The following CRYBG1 variants were observed in gnomAD, a reference collection of about 807,000 sequenced individuals.
CRYBG1 encodes the protein beta/gamma crystallin domain-containing protein 1.
A neutral mutation model predicts 189.2 loss-of-function variants in CRYBG1; 139 were observed. The ratio of observed to expected loss-of-function variants is 0.73; its 90% CI spans 0.64 to 0.85. The LOEUF is 0.85. Among genes scored for constraint, CRYBG1 ranks in the 40% least tolerant of loss-of-function variants. CRYBG1 has a pLI of 0.00. For synonymous variants in CRYBG1, 1,023 were observed against 1,017.1 expected, an observed-to-expected ratio of 1.01 and a Z score of -0.11; for missense variants, 2,611 against 2,675.8, an observed-to-expected ratio of 0.98 and a Z score of 0.53.
intron 1 of CRYBG1, among the ~76,000 whole-genome samples, chr6:106,448,778 A>G (rs1215352444): frequency 1.3e-5 from 2 of 152,116 alleles, no homozygotes; most frequent in Non-Finnish European, 2.9e-5. Context: ...TCAGGTGTCT[A>G]ATTTCTGCAC....
intron 13 of CRYBG1, among the ~76,000 whole-genome samples, chr6:106,550,862 A>G (rs1774382426): frequency 1.4e-5 from 2 of 144,122 alleles, no homozygotes; most frequent in African/African-American, 2.5e-5. Flanking sequence ...ATACAATTAG[A>G]AAAAAAAAAG....
chr6:106,524,468 AG>A (rs1438713674), intron 4 of CRYBG1, among the ~76,000 whole-genome samples: 7 of 152,194 alleles, frequency 4.6e-5, no homozygotes, highest in Non-Finnish European at 1.0e-4. Flanking sequence ...CGGGAGGCTG[AG>A]GCAGGAGAAT....
At chr6:106,485,827 C>T (rs548493460) in intron 2 of CRYBG1, among the ~76,000 whole-genome samples, 1 of 152,308 alleles carries the variant, frequency 6.6e-6, no homozygotes, top group African/African-American at 2.4e-5. Context: ...TCCACTTGAT[C>T]ATAGTGGATG....
chr6:106,438,317 G>A (rs967347409), intron 1 of CRYBG1, among the ~76,000 whole-genome samples: 1 of 152,240 alleles, frequency 6.6e-6, no homozygotes, highest in African/African-American at 2.4e-5. Flanking sequence ...TCACGTTGGG[G>A]TAGCGTGGTA....
At chr6:106,496,772 C>A (rs1300122454) in intron 2 of CRYBG1, among the ~76,000 whole-genome samples, 1 of 152,142 alleles carries the variant, frequency 6.6e-6, no homozygotes, top group African/African-American at 2.4e-5. Context: ...CTCTGTGATA[C>A]AAGATAAAGA....
intron 10 of CRYBG1, 70 bp downstream of exon 10, chr6:106,541,691 C>A: frequency 9.6e-7 from 1 of 1,044,680 alleles, no homozygotes; most frequent in South Asian, 1.4e-5. Context: ...TATATATGTA[C>A]TTAATGTTAT....
At position 106,476,055 on chromosome 6, in the gene CRYBG1, C is replaced by A. The variant is rs923751913; in HGVS notation, c.312+24223C>A. Among the ~76,000 whole-genome samples the A allele has an allele frequency of 4.6e-5, 7 of 152,254 alleles. 1 individual carries two copies. ...ATTTACCACATTCATATTTCATGTC[C>A]TCCTAGTGTTTGATGATGTTACTTC... On this transcript the variant is annotated intron_variant, in intron 2 of 21. Coordinates refer to ENST00000633556, the MANE Select transcript of CRYBG1 (RefSeq NM_001371242.2).
At chr6:106,562,576 T>A (rs1025875530) in intron 20 of CRYBG1, among the ~76,000 whole-genome samples, 1 of 152,162 alleles carries the variant, frequency 6.6e-6, no homozygotes, top group Admixed American at 6.5e-5. Context: ...AACCTGTACC[T>A]CCCGGGTTCA....
intron 2 of CRYBG1, among the ~76,000 whole-genome samples, chr6:106,480,603 GTTGCAGTGAGCTGAGA>G (rs1772427528): frequency 1.3e-5 from 2 of 151,964 alleles, no homozygotes; most frequent in African/African-American, 4.8e-5. Flanking sequence ...GGAGGCGGAG[GTTGCAGTGAGCTGAGA>G]TCGCACCACT....
At chr6:106,525,210 T>C in intron 5 of CRYBG1, 30 bp downstream of exon 5, 1 of 1,614,084 alleles carries the variant, frequency 6.2e-7, no homozygotes. Context: ...CTAGTCTTGA[T>C]TCTATTTTGG....
intron 2 of CRYBG1, among the ~76,000 whole-genome samples, chr6:106,475,969 A>G (rs997772040): frequency 6.6e-6 from 1 of 152,208 alleles, no homozygotes; most frequent in African/African-American, 2.4e-5. Context: ...AGATGATGAG[A>G]CAGAATAGAA....
chr6:106,435,106 C>A (rs1039420380), intron 1 of CRYBG1, among the ~76,000 whole-genome samples: 2 of 152,096 alleles, frequency 1.3e-5, no homozygotes, highest in African/African-American at 4.8e-5. Context: ...AAAACAAAGA[C>A]CTTCTCCTGT....
rs67623524 is a variant in CRYBG1 at position 106,496,511 on chromosome 6, AT to A, written c.313-14908del. 7.8e-3 allele frequency among the ~76,000 whole-genome samples: 1,125 copies of A among 143,526 alleles called. 24 individuals are homozygous for A. The highest frequency in any genetic ancestry group is 0.039 in the Admixed American group (565 of 14,600). The allele number at this position is 143,526 out of a possible 152,430, so 94.2% of individuals were successfully genotyped here. A position where few individuals can be genotyped will look rare whatever the true frequency, so the allele number is the denominator to read the frequency against. Reference sequence around the variant, plus strand: ...AAACCTTTTTTGAAACAATTTGCCAATTTTTTTTTTTAATCTAGGTTTAAGA... The same window carrying A: ...AAACCTTTTTTGAAACAATTTGCCAATTTTTTTTTTAATCTAGGTTTAAGA... On this transcript the variant is annotated intron_variant, in intron 2 of 21. Coordinates refer to ENST00000633556, the MANE Select transcript of CRYBG1 (RefSeq NM_001371242.2).
intron 2 of CRYBG1, among the ~76,000 whole-genome samples, chr6:106,483,864 G>A (rs1025385321): frequency 9.2e-5 from 14 of 152,010 alleles, no homozygotes; most frequent in African/African-American, 3.4e-4. Context: ...AAAATCAGGT[G>A]ATTTGTTTAT....
chr6:106,451,944 G>A (rs373051430), intron 2 of CRYBG1, 112 bp downstream of exon 2: 7 of 678,028 alleles, frequency 1.0e-5, no homozygotes, highest in East Asian at 3.8e-5. Flanking sequence ...GGTATATATT[G>A]TATATCATAA....
At chr6:106,566,464 CTTTTTTTT>C (rs34773477) in intron 21 of CRYBG1, among the ~76,000 whole-genome samples, 1 of 71,650 alleles carries the variant, frequency 1.4e-5, no homozygotes, top group Non-Finnish European at 2.3e-5. Flanking sequence ...CAACAACAGT[CTTTTTTTT>C]TTTTTTTTTT....
chr6:106,546,405 A>T (rs1467081743), intron 13 of CRYBG1, among the ~76,000 whole-genome samples: 1 of 152,228 alleles, frequency 6.6e-6, no homozygotes, highest in Admixed American at 6.5e-5. Flanking sequence ...ATAGTGACAT[A>T]GACTATTTGA....
chr6:106,422,028 A>G (rs562334870), intron 1 of CRYBG1, among the ~76,000 whole-genome samples: 36 of 152,274 alleles, frequency 2.4e-4, no homozygotes, highest in African/African-American at 8.4e-4. Flanking sequence ...CCCACAACAC[A>G]TGGGAGCTAC....
rs139061896 is a variant in CRYBG1 at position 106,520,381 on chromosome 6, C to A, written c.3173C>A (p.Thr1058Asn). 187 of 1,614,116 alleles carry A rather than the reference C, an allele frequency of 1.2e-4. No individual in the cohort carries two copies. Among genetic ancestry groups the A allele is most frequent in the Admixed American group, 2.7e-4 (16 of 60,012 alleles). ...CCCCTGATGGCTGAATCCAGTCCCA[C>A]CAACTCTCCCAGCAGCGGAAATCAC... is the stretch of plus-strand genomic sequence containing the variant. ...RTPLMAESSP[T>N]NSPSSGNHLA... Residue 1058 changes from threonine (T) to asparagine (N), a missense_variant, in exon 4 of 22, where the codon ACC (threonine) becomes AAC (asparagine). Physicochemically the swap from Thr to Asn is moderately conservative, Grantham distance 65. Transcript: ENST00000633556.
Sources: gnomAD v4.1 joint callset for allele counts (sites outside exome capture counted in the v4.1 genomes callset) on GRCh38, gnomAD v4.1.1 for gene constraint, MANE v1.5 for transcripts, NCBI Gene and HGNC (gene_info 2026-07-23, HGNC 2026-07-21) for gene names.